NUTF2: variants seen among roughly 807,000 people sequenced by gnomAD.
NUTF2 encodes nuclear transport factor 2, also known as placental protein 15.
Under a neutral mutation model 18.5 loss-of-function variants are expected in NUTF2, and 3 were observed. The observed-to-expected ratio is 0.16, with a 90% CI of 0.07 to 0.42. NUTF2 has a LOEUF of 0.42. Among genes scored for constraint, NUTF2 ranks in the 10% least tolerant of loss-of-function variants. NUTF2 has a pLI of 0.99. For missense variants in NUTF2, 44 were observed against 160.7 expected (o/e 0.27, Z 3.93); for synonymous variants, 51 against 57.9 (o/e 0.88, Z 0.54).
intron 4 of NUTF2, 114 bp downstream of exon 4, chr16:67,868,713 T>A: frequency 1.0e-6 from 1 of 957,088 alleles, no homozygotes; most frequent in Non-Finnish European, 1.6e-6. Flanking sequence ...ACAAAGTGAC[T>A]GTCTAGAGCT....
At chr16:67,850,227 T>C (rs1398842211) in intron 1 of NUTF2, among the ~76,000 whole-genome samples, 2 of 148,926 alleles carry the variant, frequency 1.3e-5, no homozygotes, top group East Asian at 3.9e-4. Flanking sequence ...TTTTTTGAGA[T>C]GGAGTCGTAC....
intron 1 of NUTF2, among the ~76,000 whole-genome samples, chr16:67,857,954 G>A (rs1328372323): frequency 6.6e-6 from 1 of 152,196 alleles, no homozygotes; most frequent in African/African-American, 2.4e-5. Context: ...AGAAGGGCTG[G>A]CCTCTCAGCC....
At position 67,868,320 on chromosome 16, in the gene NUTF2, G is replaced by T. The variant is rs1020656292; in HGVS notation, c.100-20G>T. The T allele has an allele frequency of 2.5e-6, 4 of 1,612,128 alleles. No homozygotes were observed. The African/African-American group carries it at 5.3e-5, about 22-fold the overall frequency. ...TGTACTCTGAGGCCCCAACCCTGGGGTTTCCTGTGCCTTTTTCAGATTGAC... is the reference window on the plus strand; with the variant it reads ...TGTACTCTGAGGCCCCAACCCTGGGTTTTCCTGTGCCTTTTTCAGATTGAC... On this transcript the variant is annotated intron_variant, in intron 2 of 4. Coordinates refer to ENST00000219169, the MANE Select transcript of NUTF2 (RefSeq NM_005796.3).
intron 1 of NUTF2, among the ~76,000 whole-genome samples, chr16:67,856,442 G>A (rs897004007): frequency 4.6e-5 from 7 of 151,214 alleles, no homozygotes; most frequent in Non-Finnish European, 1.0e-4. Flanking sequence ...CACCTGCCTC[G>A]GCCTCCCAAA....
intron 1 of NUTF2, among the ~76,000 whole-genome samples, chr16:67,850,613 TATAAG>T (rs746453794): frequency 1.3e-5 from 2 of 152,192 alleles, no homozygotes; most frequent in Non-Finnish European, 2.9e-5. Context: ...AGGTCTCAGA[TATAAG>T]AGAAGTGGCC....
At chr16:67,863,778 G>GA (rs2057950250) in intron 1 of NUTF2, among the ~76,000 whole-genome samples, 2 of 152,192 alleles carry the variant, frequency 1.3e-5, no homozygotes, top group Admixed American at 1.3e-4. Context: ...GCCATCCACA[G>GA]AAAAACATGT....
chr16:67,850,172 C>G (rs1477138858), intron 1 of NUTF2, among the ~76,000 whole-genome samples: 4 of 151,866 alleles, frequency 2.6e-5, no homozygotes, highest in Non-Finnish European at 1.5e-5. Flanking sequence ...CAGGTCCCTC[C>G]CTCTCATTCC....
At chr16:67,847,104 G>C (rs1318584621) in intron 1 of NUTF2, 119 bp downstream of exon 1, 1 of 150,652 alleles carries the variant, frequency 6.6e-6, no homozygotes, top group Non-Finnish European at 1.5e-5. Context: ...CCCCCCGGCG[G>C]CCCGAAGCCG....
intron 2 of NUTF2, among the ~76,000 whole-genome samples, chr16:67,866,341 C>T (rs1352444236): frequency 6.8e-6 from 1 of 146,208 alleles, no homozygotes; most frequent in East Asian, 2.0e-4. Context: ...GAGTCTCACT[C>T]TGTCAACAAA....
At chr16:67,859,787 C>G (rs1049584288) in intron 1 of NUTF2, among the ~76,000 whole-genome samples, 1 of 141,986 alleles carries the variant, frequency 7.0e-6, no homozygotes, top group Non-Finnish European at 1.5e-5. Flanking sequence ...TGAGCCACTG[C>G]GCCAGGCCTT....
intron 1 of NUTF2, among the ~76,000 whole-genome samples, chr16:67,852,166 A>G (rs1276532219): frequency 6.6e-6 from 1 of 152,102 alleles, no homozygotes; most frequent in East Asian, 1.9e-4. Flanking sequence ...AGAAAAATAA[A>G]AAAATAGCCA....
chr16:67,870,704 T>A (rs564650753), intron 4 of NUTF2, 96 bp from the exon 5 acceptor site: 1 of 919,096 alleles, frequency 1.1e-6, no homozygotes, highest in Non-Finnish European at 1.8e-6. Context: ...TAGGGCCTGA[T>A]CCTAAAGTCA....
chr16:67,853,960 C>G (rs1045001500), intron 1 of NUTF2, among the ~76,000 whole-genome samples: 1 of 151,900 alleles, frequency 6.6e-6, no homozygotes, highest in African/African-American at 2.4e-5. Context: ...TGTGCATGGC[C>G]TTCTTTTTGA....
intron 1 of NUTF2, among the ~76,000 whole-genome samples, chr16:67,864,506 T>C (rs2057956236): frequency 8.4e-6 from 1 of 119,202 alleles, no homozygotes; most frequent in African/African-American, 3.7e-5. Context: ...TGAAACTCTG[T>C]CTCAAAAAAA....
At chr16:67,867,536 TAGGG>T (rs897718357) in intron 2 of NUTF2, among the ~76,000 whole-genome samples, 4 of 152,050 alleles carry the variant, frequency 2.6e-5, no homozygotes, top group Admixed American at 1.3e-4. Flanking sequence ...TTCTTGGTGG[TAGGG>T]AGGGTCCCAG....
At chr16:67,854,840 C>T (rs1253239693) in intron 1 of NUTF2, among the ~76,000 whole-genome samples, 1 of 152,014 alleles carries the variant, frequency 6.6e-6, no homozygotes, top group Non-Finnish European at 1.5e-5. Flanking sequence ...CCCAGCTACA[C>T]GGGAGGCAAG....
At chr16:67,867,828 C>G (rs1184081661) in intron 2 of NUTF2, among the ~76,000 whole-genome samples, 1 of 152,208 alleles carries the variant, frequency 6.6e-6, no homozygotes, top group Non-Finnish European at 1.5e-5. Flanking sequence ...GCTGGGATTA[C>G]AGGCGTGCGC....
At chr16:67,849,421 A>G (rs2151293158) in intron 1 of NUTF2, among the ~76,000 whole-genome samples, 1 of 152,008 alleles carries the variant, frequency 6.6e-6, no homozygotes, top group Non-Finnish European at 1.5e-5. Context: ...GGCTCACTGC[A>G]ACCTCCGCCT....
In NUTF2 at chr16:67,871,303, A is replaced by C. The variant is rs2058010865; in HGVS notation, c.*390A>C. ...GCCTCATGATACAATAAAACCACAA[A>C]AATTTTCTTAACAGTTTAAATTGTT... On this transcript the variant is annotated 3_prime_UTR_variant, in exon 5 of 5. Coordinates refer to ENST00000219169, the MANE Select transcript of NUTF2 (RefSeq NM_005796.3). 1 of 161,270 alleles carries C rather than the reference A, an allele frequency of 6.2e-6. No homozygotes were observed. The highest frequency in any genetic ancestry group is 2.0e-4 in the South Asian group (1 of 5,088). 10.0% of individuals were successfully genotyped at this position (161,270 alleles called of 1,614,324 possible).
Sources: gnomAD v4.1 joint callset for allele counts (sites outside exome capture counted in the v4.1 genomes callset) on GRCh38, gnomAD v4.1.1 for gene constraint, MANE v1.5 for transcripts, NCBI Gene and HGNC (gene_info 2026-07-23, HGNC 2026-07-21) for gene names.